CSNK1G1: variants seen among roughly 807,000 people sequenced by gnomAD.
CSNK1G1 encodes casein kinase 1 gamma 1, also known as casein kinase I isoform gamma-1.
CSNK1G1 carries 22 observed loss-of-function variants against 59.6 expected under a neutral mutation model. The observed-to-expected ratio is 0.37, with a 90% confidence interval of 0.26 to 0.53. The LOEUF is 0.53. Ranked by LOEUF, CSNK1G1 falls within the 20% of genes least tolerant of loss-of-function variation. The pLI is 0.89. For missense variants in CSNK1G1, 384 were observed against 519.5 expected (o/e 0.74, Z 2.54); for synonymous variants, 179 against 177.1 (o/e 1.01, Z -0.08).
chr15:64,238,674 C>T (rs542568351), intron 4 of CSNK1G1, among the ~76,000 whole-genome samples: 62 of 151,494 alleles, frequency 4.1e-4, no homozygotes, highest in Non-Finnish European at 7.8e-4. Flanking sequence ...CTGAGCCCTA[C>T]TGACTTGGGC....
chr15:64,259,045 T>TATACTATA, intron 3 of CSNK1G1, 156 bp downstream of exon 3: 1 of 602,642 alleles, frequency 1.7e-6, no homozygotes, highest in Non-Finnish European at 2.9e-6. Flanking sequence ...TTCATCACTG[T>TATACTATA]TAACACTATA....
At chr15:64,347,073 C>T (rs531460275) in intron 1 of CSNK1G1, among the ~76,000 whole-genome samples, 7 of 152,056 alleles carry the variant, frequency 4.6e-5, no homozygotes, top group Non-Finnish European at 8.8e-5. Context: ...TCATAGAGAA[C>T]TGCAAATTAA....
At chr15:64,256,630 T>A (rs530591570) in intron 3 of CSNK1G1, among the ~76,000 whole-genome samples, 5 of 152,220 alleles carry the variant, frequency 3.3e-5, no homozygotes, top group African/African-American at 9.6e-5. Flanking sequence ...GATTTTTTTT[T>A]AAACCCAACT....
At chr15:64,235,977 T>C (rs977070908) in intron 4 of CSNK1G1, among the ~76,000 whole-genome samples, 1 of 73,198 alleles carries the variant, frequency 1.4e-5, no homozygotes, top group Non-Finnish European at 2.6e-5. Flanking sequence ...CCTGGAAATA[T>C]GTAACGTCAA....
At position 64,185,841 on chromosome 15, in the gene CSNK1G1, G is replaced by A. The variant is rs537832004; in HGVS notation, c.1108-5387C>T. On this transcript the variant is annotated intron_variant, in intron 10 of 11. Transcript: ENST00000303052. ...CGCGCTACTGCACTCCAGCCTGGAT[G>A]ACAGAGCCAGACTCCATCTCGAAAA... 1.2e-3 allele frequency among the ~76,000 whole-genome samples: 168 copies of A among 139,974 alleles called. 1 individual carries two copies. The highest frequency in any genetic ancestry group is 2.3e-3 in the South Asian group (10 of 4,388). The allele number at this position is 139,974 out of a possible 152,430, so 91.8% of individuals were successfully genotyped here. A position where few individuals can be genotyped will look rare whatever the true frequency, so the allele number is the denominator to read the frequency against.
intron 10 of CSNK1G1, among the ~76,000 whole-genome samples, chr15:64,192,403 G>A (rs2081984022): frequency 6.6e-6 from 1 of 152,230 alleles, no homozygotes; most frequent in South Asian, 2.1e-4. Flanking sequence ...TTACTATGTA[G>A]TAGGTAAATC....
intron 4 of CSNK1G1, among the ~76,000 whole-genome samples, chr15:64,217,033 G>A (rs559119134): frequency 6.6e-6 from 1 of 152,372 alleles, no homozygotes; most frequent in East Asian, 1.9e-4. Context: ...GCCTGAAAGT[G>A]CAGTATCATA....
At chr15:64,288,748 G>T (rs1481886942) in intron 2 of CSNK1G1, among the ~76,000 whole-genome samples, 1 of 152,032 alleles carries the variant, frequency 6.6e-6, no homozygotes, top group Non-Finnish European at 1.5e-5. Context: ...TGGAAAAGTA[G>T]GCCATAAGTT....
intron 1 of CSNK1G1, among the ~76,000 whole-genome samples, chr15:64,320,454 G>A (rs982915133): frequency 2.0e-5 from 3 of 152,054 alleles, no homozygotes; most frequent in Non-Finnish European, 2.9e-5. Flanking sequence ...TGAGACAGGC[G>A]GATCACTTGA....
At chr15:64,260,068 T>C (rs1892613149) in intron 2 of CSNK1G1, among the ~76,000 whole-genome samples, 1 of 152,192 alleles carries the variant, frequency 6.6e-6, no homozygotes, top group Non-Finnish European at 1.5e-5. Context: ...TCACTAATCC[T>C]TGGAAGCCTT....
intron 1 of CSNK1G1, among the ~76,000 whole-genome samples, chr15:64,332,676 AAAAAT>A (rs765472419): frequency 1.4e-5 from 2 of 144,330 alleles, no homozygotes; most frequent in South Asian, 2.2e-4. Flanking sequence ...AAGTATAATT[AAAAAT>A]AAAATAAAAT....
chr15:64,199,831 C>T (rs899664299), intron 10 of CSNK1G1, among the ~76,000 whole-genome samples: 9 of 151,138 alleles, frequency 6.0e-5, no homozygotes, highest in East Asian at 2.0e-4. Context: ...CCACCCTGGG[C>T]GACAGAGCAA....
chr15:64,172,894 G>A (rs1487967407), intron 11 of CSNK1G1, among the ~76,000 whole-genome samples: 1 of 152,198 alleles, frequency 6.6e-6, no homozygotes, highest in African/African-American at 2.4e-5. Context: ...AGAACAGGAA[G>A]TATCACTCTT....
At chr15:64,299,460 C>A (rs189453874) in intron 2 of CSNK1G1, among the ~76,000 whole-genome samples, 1 of 151,820 alleles carries the variant, frequency 6.6e-6, no homozygotes, top group Non-Finnish European at 1.5e-5. Context: ...GGCGTGGTGG[C>A]GGATGCCTGT....
chr15:64,329,115 C>T (rs375947156), intron 1 of CSNK1G1, among the ~76,000 whole-genome samples: 6 of 151,446 alleles, frequency 4.0e-5, no homozygotes, highest in African/African-American at 7.3e-5. Context: ...GACAGATCAA[C>T]GAGACAGAAA....
intron 4 of CSNK1G1, among the ~76,000 whole-genome samples, chr15:64,250,942 C>T (rs1209750187): frequency 6.6e-5 from 10 of 152,038 alleles, no homozygotes; most frequent in Non-Finnish European, 1.5e-4. Context: ...TTCTGGAAGC[C>T]AGTAAGATAT....
At position 64,200,102 on chromosome 15, in the gene CSNK1G1, C is replaced by T. The variant is rs1034698228; in HGVS notation, c.1107+2980G>A. Among the ~76,000 whole-genome samples the T allele has an allele frequency of 9.3e-5, 14 of 150,266 alleles. No homozygotes were observed. The highest frequency in any genetic ancestry group is 7.2e-3 in the Middle Eastern group (2 of 278). The stretch of plus-strand genomic sequence containing the variant: ...TCCACTAAACATACAAAAATTAGCC[C>T]GGTGTGGTGGCAGGCACCTGTAATC... On this transcript the variant is annotated intron_variant, in intron 10 of 11. Coordinates refer to ENST00000303052, the MANE Select transcript of CSNK1G1 (RefSeq NM_022048.5). This position sits in a 1 kb window ranked among gnomAD's most constrained non-coding sequence, Gnocchi z 4.3.
intron 10 of CSNK1G1, among the ~76,000 whole-genome samples, chr15:64,185,510 AG>A (rs1275307887): frequency 1.3e-5 from 2 of 152,190 alleles, no homozygotes; most frequent in Non-Finnish European, 2.9e-5. Context: ...TAGGGAGTAG[AG>A]GAAGTTGCAT....
intron 4 of CSNK1G1, among the ~76,000 whole-genome samples, chr15:64,249,637 G>T (rs1244959799): frequency 6.6e-6 from 1 of 152,170 alleles, no homozygotes; most frequent in Non-Finnish European, 1.5e-5. Flanking sequence ...GACAATGATG[G>T]ATATACCAGT....
Sources: gnomAD v4.1 joint callset for allele counts (sites outside exome capture counted in the v4.1 genomes callset) on GRCh38, gnomAD v4.1.1 for gene constraint, Gnocchi (gnomAD v3.1) non-coding constraint, MANE v1.5 for transcripts, NCBI Gene and HGNC (gene_info 2026-07-23, HGNC 2026-07-21) for gene names.